Variants in PUDP observed in about 807,000 individuals in gnomAD.
PUDP encodes the protein pseudouridine-5'-phosphatase.
Under a neutral mutation model 9.4 loss-of-function variants are expected in PUDP, and 8 were observed. That is an observed-to-expected ratio of 0.85 (90% CI 0.50 to 1.53). The LOEUF (loss-of-function observed/expected upper bound fraction) is 1.53. Among genes scored for constraint, PUDP ranks in the 40% most tolerant of loss-of-function variants. The pLI is 0.00. For synonymous variants in PUDP, 99 were observed against 80.7 expected (o/e 1.23, Z -1.22); for missense variants, 188 against 189.7 (o/e 0.99, Z 0.05).
chrX:6,938,786 C>CTTTTTTTTTTTTTTTTTTTTTTTT (rs764265665), intron 3 of PUDP, among the ~76,000 whole-genome samples: 1 of 83,437 alleles, frequency 1.2e-5, no homozygotes, highest in African/African-American at 4.4e-5. Context: ...TTCTTTCTTT[C>CTTTTTTTTTTTTTTTTTTTTTTTT]TTTTTTTTTT....
intron 3 of PUDP, among the ~76,000 whole-genome samples, chrX:6,878,358 A>G (rs1228716748): frequency 4.7e-5 from 5 of 105,831 alleles, no homozygotes; most frequent in Non-Finnish European, 9.7e-5. Flanking sequence ...AACATTACTT[A>G]GTTTTCCTGG....
At chrX:6,824,786 G>A (rs184997233) in intron 3 of PUDP, among the ~76,000 whole-genome samples, 33 of 112,110 alleles carry the variant, frequency 2.9e-4, no homozygotes. Context: ...CTTCCAGGGA[G>A]CCAAAGGCAA....
chrX:7,130,208 C>T (rs1932583865), intron 1 of PUDP, among the ~76,000 whole-genome samples: 1 of 110,935 alleles, frequency 9.0e-6, no homozygotes. Flanking sequence ...GTTGTGAGTT[C>T]GGCACCCTTA....
At chrX:6,721,844 T>C (rs1924677096), upstream of PUDP, among the ~76,000 whole-genome samples, 1 of 112,007 alleles carries the variant, frequency 8.9e-6, no homozygotes, top group Non-Finnish European at 1.9e-5. Flanking sequence ...ATATGGAATG[T>C]AAGTGGCCAA....
At chrX:7,089,284 C>T (rs1374538381) in intron 2 of PUDP, among the ~76,000 whole-genome samples, 2 of 111,760 alleles carry the variant, frequency 1.8e-5, no homozygotes, top group African/African-American at 6.5e-5. Flanking sequence ...TAACTTCCTT[C>T]CCCAGAGAAG....
intron 2 of PUDP, among the ~76,000 whole-genome samples, chrX:7,081,088 T>G (rs948451901): frequency 1.8e-5 from 2 of 112,271 alleles, no homozygotes; most frequent in Non-Finnish European, 3.7e-5. Flanking sequence ...CACATGGCTC[T>G]GTAAAACACA....
At chrX:7,106,523 T>C (rs1183781987) in intron 1 of PUDP, among the ~76,000 whole-genome samples, 1 of 112,468 alleles carries the variant, frequency 8.9e-6, no homozygotes, top group Non-Finnish European at 1.9e-5. Context: ...ATACGCTAGA[T>C]TACACTACAT....
At chrX:7,147,871 C>T in intron 1 of PUDP, 182 bp downstream of exon 1, 1 of 214,657 alleles carries the variant, frequency 4.7e-6, no homozygotes. Context: ...CATGGGCCCG[C>T]GGGCGCTCCT....
intron 3 of PUDP, among the ~76,000 whole-genome samples, chrX:6,727,830 GAACA>G (rs1015725683): frequency 1.8e-5 from 2 of 111,508 alleles, no homozygotes; most frequent in Non-Finnish European, 3.8e-5. Context: ...GTCTTCAGCT[GAACA>G]AACAGATTCA....
chrX:7,057,058 T>C lies in PUDP; in HGVS notation c.511-6586A>G, dbSNP rs187199741. ...TGAAGCACCTTGGCGGCTTATCACT[T>C]GGAGGTGATGAACTGACTTCTCCAA... is the stretch of plus-strand genomic sequence containing the variant. On this transcript the variant is annotated intron_variant, in intron 3 of 3. Transcript: ENST00000381077. Among the ~76,000 whole-genome samples, 4 of 112,220 alleles carry C rather than the reference T, an allele frequency of 3.6e-5. No individual in the cohort carries two copies. In the East Asian group the frequency reaches 1.1e-3, roughly 31 times the overall value.
At chrX:6,761,543 G>T (rs751195001) in intron 3 of PUDP, among the ~76,000 whole-genome samples, 5 of 112,196 alleles carry the variant, frequency 4.5e-5, no homozygotes, top group African/African-American at 3.2e-5. Flanking sequence ...CTCACATAGT[G>T]CTGCCACCTT....
At chrX:6,890,412 C>T (rs1338970996) in intron 3 of PUDP, among the ~76,000 whole-genome samples, 1 of 111,840 alleles carries the variant, frequency 8.9e-6, no homozygotes, top group Admixed American at 9.5e-5. Context: ...AAATCAATAT[C>T]TACAGCAGTT....
intron 1 of PUDP, among the ~76,000 whole-genome samples, chrX:6,718,671 C>G (rs984776442): frequency 9.0e-6 from 1 of 111,142 alleles, no homozygotes; most frequent in African/African-American, 3.3e-5. Flanking sequence ...CAAGCAATGG[C>G]TACACTAAAA....
chrX:6,930,407 G>A (rs1002994676), intron 3 of PUDP, among the ~76,000 whole-genome samples: 10 of 111,219 alleles, frequency 9.0e-5, no homozygotes, highest in African/African-American at 2.9e-4. Flanking sequence ...GGCTGTCCTC[G>A]CTGCTCATTA....
intron 3 of PUDP, among the ~76,000 whole-genome samples, chrX:6,916,246 A>ACACACC (rs1555916573): frequency 7.4e-4 from 53 of 71,580 alleles, no homozygotes; most frequent in African/African-American, 3.2e-3. Context: ...ACACACACAC[A>ACACACC]CACCCTGGGG....
At chrX:6,992,527 C>T (rs1469639028) in intron 1 of PUDP, among the ~76,000 whole-genome samples, 2 of 109,390 alleles carry the variant, frequency 1.8e-5, no homozygotes, top group East Asian at 2.9e-4. Flanking sequence ...CCGCCTCGGC[C>T]TCCCAAAGTG....
chrX:6,711,396 C>A (rs1275530302), intron 1 of PUDP, among the ~76,000 whole-genome samples: 1 of 111,045 alleles, frequency 9.0e-6, no homozygotes, highest in Non-Finnish European at 1.9e-5. Flanking sequence ...GCTGCGAGAC[C>A]CTCTCTGGAA....
chrX:6,923,655 AC>A (rs1928057518), intron 3 of PUDP, among the ~76,000 whole-genome samples: 2 of 111,112 alleles, frequency 1.8e-5, no homozygotes, highest in Non-Finnish European at 1.9e-5. Context: ...CTTGGCCAGC[AC>A]CATGGCTTCC....
chrX:7,144,573 G>T (rs1932829235), intron 1 of PUDP, among the ~76,000 whole-genome samples: 2 of 110,856 alleles, frequency 1.8e-5, no homozygotes, highest in Non-Finnish European at 3.8e-5. Flanking sequence ...ACCTTTTAGG[G>T]TCTCCTGGGC....
Sources: gnomAD v4.1 joint callset for allele counts (sites outside exome capture counted in the v4.1 genomes callset) on GRCh38, gnomAD v4.1.1 for gene constraint, MANE v1.5 for transcripts, NCBI Gene and HGNC (gene_info 2026-07-23, HGNC 2026-07-21) for gene names.